The following ATRN variants were observed in gnomAD, a reference collection of about 807,000 sequenced individuals.
The protein encoded by ATRN is attractin, also known as attractin-2.
A neutral mutation model predicts 178.7 loss-of-function variants in ATRN; 54 were observed. The ratio of observed to expected loss-of-function variants is 0.30; its 90% confidence interval spans 0.24 to 0.38. The LOEUF is 0.38. ATRN is among the 10% of genes least tolerant of loss of function. The pLI is 1.00. For missense variants in ATRN, 1,443 were observed against 1,815.1 expected (o/e 0.79, Z 3.73); for synonymous variants, 636 against 663.0 (o/e 0.96, Z 0.63).
rs1454987477 is a variant in ATRN at position 3,649,887 on chromosome 20, G to A, written c.*3040G>A. On this transcript the variant is annotated 3_prime_UTR_variant, in exon 29 of 29. Coordinates refer to ENST00000262919, the MANE Select transcript of ATRN (RefSeq NM_139321.3). ...AACTGGGGGTGGGAGTAGGGAGCTA[G>A]TTTGTTGATAAATAGTTCCCATTTC... 1 of 152,226 alleles carries A rather than the reference G, an allele frequency of 6.6e-6. No homozygotes were observed. 9.4% of individuals were successfully genotyped at this position (152,226 alleles called of 1,614,324 possible).
intron 1 of ATRN, among the ~76,000 whole-genome samples, chr20:3,510,655 A>G (rs746061246): frequency 6.6e-6 from 1 of 152,112 alleles, no homozygotes; most frequent in Non-Finnish European, 1.5e-5. Flanking sequence ...AAAATACTGC[A>G]TAGGTGAAGG....
intron 1 of ATRN, among the ~76,000 whole-genome samples, chr20:3,521,230 T>C (rs2085291351): frequency 6.6e-6 from 1 of 152,104 alleles, no homozygotes; most frequent in Admixed American, 6.6e-5. Flanking sequence ...ATGCAAAGTA[T>C]TAGGTACTTT....
chr20:3,628,038 G>A (rs1274419963), intron 25 of ATRN, among the ~76,000 whole-genome samples: 1 of 152,146 alleles, frequency 6.6e-6, no homozygotes, highest in African/African-American at 2.4e-5. Context: ...CAGGCGCGGT[G>A]GTGGGCGCCT....
chr20:3,486,222 A>G (rs924765882), intron 1 of ATRN, among the ~76,000 whole-genome samples: 1 of 152,050 alleles, frequency 6.6e-6, no homozygotes, highest in Non-Finnish European at 1.5e-5. Flanking sequence ...AACAAGTGTG[A>G]CGTGTCTGTC....
chr20:3,560,474 A>G (rs879435733), intron 7 of ATRN, among the ~76,000 whole-genome samples, 188 bp from the exon 8 acceptor site: 5 of 152,078 alleles, frequency 3.3e-5, no homozygotes, highest in Admixed American at 3.3e-4. Flanking sequence ...TATCTCTTTG[A>G]TATGTTCATT....
chr20:3,478,921 CTTTTTTTTT>C (rs71331052), intron 1 of ATRN, among the ~76,000 whole-genome samples: 1 of 126,004 alleles, frequency 7.9e-6, no homozygotes, highest in African/African-American at 3.0e-5. Context: ...AATTCATACC[CTTTTTTTTT>C]TTTTTTTTTT....
chr20:3,584,079 C>T lies in ATRN; in HGVS notation c.2946C>T (p.Cys982=), dbSNP rs748499185. The change falls in exon 17 of 29, where the codon TGC becomes TGT. Residue 982 remains cysteine, a synonymous_variant. Coordinates refer to ENST00000262919, the MANE Select transcript of ATRN (RefSeq NM_139321.3). ...QCMEWYTMST[C]PPENCSGYCT... ...TGGAATGGTATACGATGAGCACCTGCCCCCGTAAGTGAAAAAGGGAGCCCT... is the reference window on the plus strand; with the variant it reads ...TGGAATGGTATACGATGAGCACCTGTCCCCGTAAGTGAAAAAGGGAGCCCT... 4 of 1,613,402 alleles carry T rather than the reference C, an allele frequency of 2.5e-6. No individual in the cohort carries two copies. Among genetic ancestry groups the T allele is most frequent in the Non-Finnish European group, 1.7e-6 (2 of 1,179,464 alleles).
chr20:3,594,343 C>T, intron 19 of ATRN, 136 bp from the exon 20 acceptor site: 1 of 551,438 alleles, frequency 1.8e-6, no homozygotes, highest in Non-Finnish European at 3.2e-6. Flanking sequence ...TGAATCTTAC[C>T]CATTGAATGC....
chr20:3,497,352 G>A (rs2084895059), intron 1 of ATRN, among the ~76,000 whole-genome samples: 1 of 151,946 alleles, frequency 6.6e-6, no homozygotes, highest in Admixed American at 6.6e-5. Context: ...TTTAGGGCAG[G>A]CCTGGTGGTG....
At chr20:3,634,125 G>C (rs2087008214) in intron 25 of ATRN, among the ~76,000 whole-genome samples, 186 bp from the exon 26 acceptor site, 1 of 152,212 alleles carries the variant, frequency 6.6e-6, no homozygotes, top group Admixed American at 6.5e-5. Flanking sequence ...TGGTTAGGAA[G>C]CCTGGCTTAC....
intron 1 of ATRN, among the ~76,000 whole-genome samples, chr20:3,492,858 CGCGCGCGCGT>C (rs1351611999): frequency 2.4e-5 from 3 of 122,944 alleles, no homozygotes; most frequent in Admixed American, 1.5e-4. Context: ...GAGAGAGGCG[CGCGCGCGCGT>C]GCGCACGCAC....
intron 1 of ATRN, among the ~76,000 whole-genome samples, chr20:3,531,797 AAACAACAACAAC>A (rs144998439): frequency 2.4e-4 from 36 of 151,830 alleles, no homozygotes; most frequent in Non-Finnish European, 4.9e-4. Context: ...AAGTGGGTTA[AAACAACAACAAC>A]AACAACAACA....
chr20:3,592,487 T>C, intron 19 of ATRN: 1 of 984,350 alleles, frequency 1.0e-6, no homozygotes, highest in Non-Finnish European at 1.2e-6. Flanking sequence ...CATTTTATTA[T>C]GAGAACAAAA....
intron 18 of ATRN, among the ~76,000 whole-genome samples, chr20:3,589,770 G>C (rs920540953): frequency 1.1e-4 from 17 of 152,094 alleles, no homozygotes; most frequent in African/African-American, 4.1e-4. Flanking sequence ...GGTCCACTTC[G>C]ACTGTTGTTG....
At chr20:3,620,069 A>G (rs1213553035) in intron 24 of ATRN, among the ~76,000 whole-genome samples, 4 of 150,400 alleles carry the variant, frequency 2.7e-5, no homozygotes, top group African/African-American at 9.8e-5. Context: ...CTCTTCCTCT[A>G]CCCTTATCCT....
intron 3 of ATRN, among the ~76,000 whole-genome samples, 162 bp from the exon 4 acceptor site, chr20:3,545,600 G>C (rs1672343817): frequency 6.6e-6 from 1 of 152,220 alleles, no homozygotes; most frequent in Admixed American, 6.5e-5. Flanking sequence ...CAAGGATCCA[G>C]AACTGATAGG....
At chr20:3,612,465 T>TA (rs1274626065) in intron 24 of ATRN, among the ~76,000 whole-genome samples, 1 of 152,148 alleles carries the variant, frequency 6.6e-6, no homozygotes, top group South Asian at 2.1e-4. Context: ...GTAGGGAAGA[T>TA]ACAGAGCGTG....
chr20:3,539,200 T>A (rs2085584067), intron 2 of ATRN, among the ~76,000 whole-genome samples: 1 of 152,192 alleles, frequency 6.6e-6, no homozygotes, highest in Non-Finnish European at 1.5e-5. Context: ...ATAATGATGT[T>A]GATATTCCCA....
chr20:3,634,497 C>T (rs1206587148), intron 26 of ATRN, 108 bp downstream of exon 26: 2 of 927,944 alleles, frequency 2.2e-6, no homozygotes, highest in African/African-American at 3.3e-5. Flanking sequence ...GACAGACAGA[C>T]ATCTCCACGG....
Sources: gnomAD v4.1 joint callset for allele counts (sites outside exome capture counted in the v4.1 genomes callset) on GRCh38, gnomAD v4.1.1 for gene constraint, MANE v1.5 for transcripts, NCBI Gene and HGNC (gene_info 2026-07-23, HGNC 2026-07-21) for gene names.